MRPS9: variants seen among roughly 807,000 people sequenced by gnomAD.
MRPS9 encodes the protein mitochondrial ribosomal protein S9.
MRPS9 carries 45 observed loss-of-function variants against 59.9 expected under a neutral mutation model. The observed-to-expected ratio is 0.75, with a 90% confidence interval of 0.59 to 0.96. The LOEUF is 0.96. Among genes scored for constraint, MRPS9 ranks in the 40% least tolerant of loss-of-function variants. The probability of loss-of-function intolerance (pLI) is 0.00; values close to 1 mark genes in which losing one functional copy is unlikely to be tolerated. For missense variants in MRPS9, 473 were observed against 481.1 expected (o/e 0.98, Z 0.16); for synonymous variants, 171 against 166.8 (o/e 1.03, Z -0.19).
intron 5 of MRPS9, among the ~76,000 whole-genome samples, chr2:105,087,058 G>A (rs1405814661): frequency 6.6e-6 from 1 of 152,120 alleles, no homozygotes. Context: ...TGAGTTAAAG[G>A]TACCCTAACC....
chr2:105,073,947 G>T (rs904861175), intron 4 of MRPS9, among the ~76,000 whole-genome samples: 3 of 152,128 alleles, frequency 2.0e-5, no homozygotes, highest in African/African-American at 7.2e-5. Context: ...CATTTTCTAT[G>T]CAGAGGCCTA....
chr2:105,077,260 GAAGAA>G (rs2104458207), intron 4 of MRPS9, among the ~76,000 whole-genome samples: 1 of 128,824 alleles, frequency 7.8e-6, no homozygotes, highest in East Asian at 2.1e-4. Context: ...AAAAAAAGAA[GAAGAA>G]AAGAAATAAC....
chr2:105,039,543 C>G (rs1217433167), intron 1 of MRPS9, among the ~76,000 whole-genome samples: 1 of 152,134 alleles, frequency 6.6e-6, no homozygotes, highest in East Asian at 1.9e-4. Flanking sequence ...CATGCATAAA[C>G]ATACATGCAC....
chr2:105,070,259 C>T (rs529176104), intron 2 of MRPS9, among the ~76,000 whole-genome samples: 3 of 152,158 alleles, frequency 2.0e-5, no homozygotes, highest in South Asian at 2.1e-4. Flanking sequence ...CATGAGCCAC[C>T]GTGCCTGACC....
At chr2:105,092,264 G>A (rs528014626) in intron 7 of MRPS9, 137 bp from the exon 8 acceptor site, 27 of 627,818 alleles carry the variant, frequency 4.3e-5, no homozygotes, top group Middle Eastern at 4.3e-4. Context: ...TAAAAGCAGC[G>A]TGAAGATGCA....
chr2:105,065,169 A>G (rs894997022), intron 2 of MRPS9, among the ~76,000 whole-genome samples: 1 of 152,290 alleles, frequency 6.6e-6, no homozygotes, highest in East Asian at 1.9e-4. Context: ...TAAATAATCT[A>G]TTTCTTTCTC....
In MRPS9 at chr2:105,051,505, A is replaced by G. The variant is rs528115222; in HGVS notation, c.315+2155A>G. Among the ~76,000 whole-genome samples the G allele has an allele frequency of 1.7e-3, 257 of 152,250 alleles. 1 individual carries two copies. Among genetic ancestry groups the G allele is most frequent in the Non-Finnish European group, 3.0e-3 (202 of 67,984 alleles). On this transcript the variant is annotated intron_variant, in intron 2 of 10. Transcript: ENST00000258455. ...TCTTTCCTTCTTGCTTTTAAAGACT[A>G]TTTTGGTTGTTCTTTGCTCCTCGAA...
At chr2:105,040,351 A>G (rs948402983) in intron 1 of MRPS9, among the ~76,000 whole-genome samples, 4 of 152,204 alleles carry the variant, frequency 2.6e-5, no homozygotes, top group South Asian at 2.1e-4. Context: ...AATTTCCTTA[A>G]TTACAAAATC....
At chr2:105,090,434 C>G (rs1175115264) in intron 7 of MRPS9, among the ~76,000 whole-genome samples, 1 of 152,224 alleles carries the variant, frequency 6.6e-6, no homozygotes, top group African/African-American at 2.4e-5. Flanking sequence ...TGTGCCATAT[C>G]TGTAAGGTCA....
intron 2 of MRPS9, among the ~76,000 whole-genome samples, chr2:105,056,103 CCTT>C (rs992553923): frequency 9.2e-5 from 14 of 151,772 alleles, no homozygotes; most frequent in African/African-American, 3.1e-4. Context: ...ATACTAAAAA[CCTT>C]CTATGTTATG....
chr2:105,097,674 G>A (rs1443341374), intron 10 of MRPS9, among the ~76,000 whole-genome samples: 1 of 152,140 alleles, frequency 6.6e-6, no homozygotes, highest in Non-Finnish European at 1.5e-5. Flanking sequence ...CAAATTGCTT[G>A]TTTTTGTTTT....
At chr2:105,083,081 C>G (rs1174490049) in intron 5 of MRPS9, among the ~76,000 whole-genome samples, 1 of 152,050 alleles carries the variant, frequency 6.6e-6, no homozygotes, top group Non-Finnish European at 1.5e-5. Flanking sequence ...TCCTTAATAG[C>G]CATTTAACCA....
intron 6 of MRPS9, among the ~76,000 whole-genome samples, chr2:105,089,502 T>G (rs971819711): frequency 6.6e-6 from 1 of 152,236 alleles, no homozygotes; most frequent in Admixed American, 6.5e-5. Flanking sequence ...TCAAGATTTC[T>G]TCCATAAAGG....
chr2:105,097,674 G>GT, intron 10 of MRPS9, among the ~76,000 whole-genome samples: 1 of 152,258 alleles, frequency 6.6e-6, no homozygotes, highest in South Asian at 2.1e-4. Context: ...CAAATTGCTT[G>GT]TTTTTGTTTT....
At chr2:105,038,400 C>T (rs895897307) in intron 1 of MRPS9, 173 bp downstream of exon 1, 4 of 771,292 alleles carry the variant, frequency 5.2e-6, no homozygotes, top group Non-Finnish European at 8.1e-6. Flanking sequence ...CGTGCAGTAG[C>T]CGCTCTAGAG....
chr2:105,094,435 A>C (rs1410307127), intron 9 of MRPS9, among the ~76,000 whole-genome samples: 1 of 152,162 alleles, frequency 6.6e-6, no homozygotes, highest in Non-Finnish European at 1.5e-5. Flanking sequence ...CACGAGTAAC[A>C]GAAGTTTGGT....
At chr2:105,098,037 A>C (rs772009382) in intron 10 of MRPS9, among the ~76,000 whole-genome samples, 7 of 152,268 alleles carry the variant, frequency 4.6e-5, no homozygotes, top group Non-Finnish European at 1.0e-4. Flanking sequence ...TTAGTGATAA[A>C]GTTCTTTGGG....
In MRPS9 at chr2:105,049,351, G is replaced by A. The variant is rs998019276; in HGVS notation, c.315+1G>A. On this transcript the variant is annotated splice_donor_variant, in intron 2 of 10. Transcript: ENST00000258455. LOFTEE classifies it high-confidence loss of function. ...AACTTTCACTCAAGAAGATATTGAC[G>A]TAAGTACAGTTACTCTGTTGAAAAA... 1.1e-5 allele frequency: 17 copies of A among 1,604,022 alleles called. No individual in the cohort carries two copies. Among genetic ancestry groups the A allele is most frequent in the African/African-American group, 8.1e-5 (6 of 74,082 alleles).
chr2:105,096,343 G>A (rs570286526), intron 9 of MRPS9, among the ~76,000 whole-genome samples: 6 of 152,306 alleles, frequency 3.9e-5, no homozygotes, highest in African/African-American at 7.2e-5. Context: ...GCATAAAAGT[G>A]TAGCAAGATA....
Sources: allele counts gnomAD v4.1 joint callset (sites outside exome capture counted in the v4.1 genomes callset), GRCh38; gene constraint gnomAD v4.1.1; transcripts MANE v1.5; gene names NCBI Gene and HGNC (gene_info 2026-07-23, HGNC 2026-07-21).